ST3GAL5: variants seen among roughly 807,000 people sequenced by gnomAD.
ST3GAL5 encodes ST3 beta-galactoside alpha-2,3-sialyltransferase 5.
A neutral mutation model predicts 46.1 loss-of-function variants in ST3GAL5; 25 were observed. The observed-to-expected ratio is 0.54, with a 90% confidence interval of 0.40 to 0.76. The LOEUF (loss-of-function observed/expected upper bound fraction) is 0.76, where lower values mean the gene tolerates loss of function less well. Among genes scored for constraint, ST3GAL5 ranks in the 30% least tolerant of loss-of-function variants. The pLI is 0.00. For synonymous variants in ST3GAL5, 182 were observed against 192.7 expected (o/e 0.94, Z 0.46); for missense variants, 431 against 521.2 (o/e 0.83, Z 1.69).
At position 85,888,869 on chromosome 2, in the gene ST3GAL5, G is replaced by A. The variant is rs559756386; in HGVS notation, c.37C>T (p.Pro13Ser). 7,754 of 1,366,398 alleles carry A rather than the reference G, an allele frequency of 5.7e-3. 31 individuals carry two copies. The highest frequency in any genetic ancestry group is 0.012 in the South Asian group (782 of 62,916). The allele number at this position is 1,366,398 out of a possible 1,614,324, so 84.6% of individuals were successfully genotyped here. Residue 13 changes from proline (P) to serine (S), a missense_variant, in exon 1 of 7, where the codon CCC becomes TCC. Pro to Ser is a moderately conservative substitution (Grantham distance 74). Transcript: ENST00000638572. ...TKAAGCAERR[P>S]LQPRTEAAAA... ...GCTGCCTCGGTCCGCGGCTGCAGGGGACGCCGCTCCGCGCAGCCCGCCGCC... is the reference window on the plus strand; with the variant it reads ...GCTGCCTCGGTCCGCGGCTGCAGGGAACGCCGCTCCGCGCAGCCCGCCGCC...
chr2:85,853,153 C>T (rs147177509), intron 3 of ST3GAL5: 12 of 1,147,548 alleles, frequency 1.0e-5, no homozygotes, highest in African/African-American at 6.4e-5. Flanking sequence ...CAGCCCAAAC[C>T]GAAACTGACA....
chr2:85,864,733 T>C (rs1440985140), intron 1 of ST3GAL5, among the ~76,000 whole-genome samples: 2 of 152,370 alleles, frequency 1.3e-5, no homozygotes, highest in East Asian at 1.9e-4. Flanking sequence ...GTAGTAGGGA[T>C]TGGTCCGTCT....
At chr2:85,841,032 A>AT (rs1573568782) in intron 6 of ST3GAL5, among the ~76,000 whole-genome samples, 1 of 150,812 alleles carries the variant, frequency 6.6e-6, no homozygotes, top group Non-Finnish European at 1.5e-5. Flanking sequence ...ATCATTAAAA[A>AT]AAAAAATAAA....
chr2:85,867,504 G>A, intron 1 of ST3GAL5: 1 of 764,930 alleles, frequency 1.3e-6, no homozygotes, highest in Non-Finnish European at 2.4e-6. Context: ...TTAAAGGTAT[G>A]TGCTCTGTGG....
chr2:85,888,617 A>AC (rs143747207), intron 1 of ST3GAL5: 5 of 298,370 alleles, frequency 1.7e-5, no homozygotes, highest in South Asian at 1.6e-4. Flanking sequence ...CCTGCGTGGG[A>AC]CCCCCCGCCC....
At chr2:85,882,572 C>T (rs1687280676) in intron 1 of ST3GAL5, among the ~76,000 whole-genome samples, 1 of 152,088 alleles carries the variant, frequency 6.6e-6, no homozygotes, top group South Asian at 2.1e-4. Context: ...GTAGCTCACA[C>T]CTGTAATCCT....
At chr2:85,873,386 A>T (rs551721197) in intron 1 of ST3GAL5, among the ~76,000 whole-genome samples, 1 of 152,234 alleles carries the variant, frequency 6.6e-6, no homozygotes, top group East Asian at 1.9e-4. Flanking sequence ...GGTCAAAAAG[A>T]TCATGGATGA....
chr2:85,853,324 C>G (rs1683745680), intron 3 of ST3GAL5: 2 of 334,342 alleles, frequency 6.0e-6, no homozygotes, highest in South Asian at 2.4e-5. Context: ...AAACCCACAA[C>G]TGCCACAGCC....
intron 3 of ST3GAL5, among the ~76,000 whole-genome samples, chr2:85,857,536 C>CAAA (rs369873432): frequency 0.09 from 6,618 of 73,156 alleles, 236 homozygotes; most frequent in East Asian, 0.15. Context: ...GACTCCGTCT[C>CAAA]AAAAAAAAAA....
intron 1 of ST3GAL5, among the ~76,000 whole-genome samples, chr2:85,866,378 A>G (rs1342721385): frequency 6.6e-6 from 1 of 152,220 alleles, no homozygotes; most frequent in Non-Finnish European, 1.5e-5. Flanking sequence ...CATGCCTTTA[A>G]TAGAAGTCAC....
In ST3GAL5 at chr2:85,840,402, G is replaced by A; in HGVS notation, c.1009-10C>T. 6.2e-7 allele frequency: 1 copy of A among 1,613,934 alleles called. No individual in the cohort carries two copies. Among genetic ancestry groups the A allele is most frequent in the Non-Finnish European group, 8.5e-7 (1 of 1,179,960 alleles). On this transcript the variant is annotated splice_polypyrimidine_tract_variant and intron_variant, in intron 6 of 6. Transcript: ENST00000638572. ...CGATTGTGGGGACGTTCTGAGAAAG[G>A]GAAAAGAAGACCAAAAAGTAAAAAA...
chr2:85,873,884 AGGAT>A (rs1558697713), intron 1 of ST3GAL5, among the ~76,000 whole-genome samples: 5 of 152,228 alleles, frequency 3.3e-5, no homozygotes, highest in Non-Finnish European at 7.3e-5. Context: ...GGTCCAGGTG[AGGAT>A]GCTGACTGTG....
At chr2:85,880,795 G>T (rs1573717865) in intron 1 of ST3GAL5, 1 of 482,456 alleles carries the variant, frequency 2.1e-6, no homozygotes, top group Non-Finnish European at 4.1e-6. Context: ...CTGCACTCCA[G>T]CCTGGGTGAC....
rs2103984073 is a variant in ST3GAL5, at chr2:85,851,487, C to CAT, written c.319-3285_319-3284dup. On this transcript the variant is annotated intron_variant, in intron 3 of 6. Coordinates refer to ENST00000638572, the MANE Select transcript of ST3GAL5 (RefSeq NM_003896.4). ...ATAGCCACTCAGAACAGGAGGACCACATGGGCCATGTCCTCCACTCTGGGA... is the reference window on the plus strand; with the variant it reads ...ATAGCCACTCAGAACAGGAGGACCACATATGGGCCATGTCCTCCACTCTGGGA... The CAT allele has an allele frequency of 1.1e-5, 14 of 1,277,854 alleles. No homozygotes were observed. The South Asian group carries it at 1.8e-4, about 16-fold the overall frequency. The allele number at this position is 1,277,854 out of a possible 1,614,324, so 79.2% of individuals were successfully genotyped here.
At chr2:85,861,719 G>C (rs556143371) in intron 2 of ST3GAL5, among the ~76,000 whole-genome samples, 1 of 150,870 alleles carries the variant, frequency 6.6e-6, no homozygotes, top group Admixed American at 6.6e-5. Flanking sequence ...ACCCGGAAGT[G>C]AGGCCGACTG....
chr2:85,867,821 CA>C (rs1232612062), intron 1 of ST3GAL5: 2 of 636,286 alleles, frequency 3.1e-6, no homozygotes, highest in East Asian at 2.8e-5. Context: ...GCAAGATTTA[CA>C]GTAAGTATAT....
At chr2:85,848,358 G>C (rs1683075211) in intron 3 of ST3GAL5, 154 bp from the exon 4 acceptor site, 1 of 1,562,890 alleles carries the variant, frequency 6.4e-7, no homozygotes, top group Non-Finnish European at 8.7e-7. Flanking sequence ...AGTTAAGTTT[G>C]GCTCAGAAAC....
intron 1 of ST3GAL5, among the ~76,000 whole-genome samples, chr2:85,876,150 A>C (rs4832016): frequency 6.6e-6 from 1 of 152,106 alleles, no homozygotes; most frequent in East Asian, 1.9e-4. Context: ...ACCCTCCAAG[A>C]GGTCCACCAA....
chr2:85,883,409 C>T (rs918660500), intron 1 of ST3GAL5, among the ~76,000 whole-genome samples: 2 of 152,232 alleles, frequency 1.3e-5, no homozygotes, highest in Non-Finnish European at 1.5e-5. Context: ...TCCCCAGCCA[C>T]GTGGAACTGT....
Sources: gnomAD v4.1 joint callset for allele counts (sites outside exome capture counted in the v4.1 genomes callset) on GRCh38, gnomAD v4.1.1 for gene constraint, MANE v1.5 for transcripts, NCBI Gene and HGNC (gene_info 2026-07-23, HGNC 2026-07-21) for gene names.